HOMER2: variants seen among roughly 807,000 people sequenced by gnomAD.
HOMER2 encodes homer scaffold protein 2, also known as homer protein homolog 2.
A neutral mutation model predicts 47.0 loss-of-function variants in HOMER2; 27 were observed. That is an observed-to-expected ratio of 0.57 (90% CI 0.42 to 0.79). The LOEUF (loss-of-function observed/expected upper bound fraction) is 0.79. HOMER2 is among the 30% of genes least tolerant of loss of function. The pLI, the probability that HOMER2 is intolerant of heterozygous loss-of-function variation, is 0.00. For missense variants in HOMER2, 443 were observed against 435.0 expected, an observed-to-expected ratio of 1.02 and a Z score of -0.16; for synonymous variants, 161 against 163.8, an observed-to-expected ratio of 0.98 and a Z score of 0.13.
chr15:82,926,972 T>C (rs1268243122), intron 1 of HOMER2, among the ~76,000 whole-genome samples: 1 of 152,190 alleles, frequency 6.6e-6, no homozygotes, highest in Admixed American at 6.5e-5. Context: ...AGTATTCTGT[T>C]ACAGCAGCAC....
chr15:82,986,043 G>C (rs1169080820), upstream of HOMER2: 2 of 984,960 alleles, frequency 2.0e-6, no homozygotes, highest in Non-Finnish European at 2.4e-6. Context: ...AGTGCATGGA[G>C]GGCATCATCC....
chr15:82,918,406 C>T (rs976974594), intron 1 of HOMER2, among the ~76,000 whole-genome samples: 2 of 152,066 alleles, frequency 1.3e-5, no homozygotes, highest in Non-Finnish European at 2.9e-5. Context: ...ACAGTGCCCA[C>T]GGGACAGGAT....
chr15:82,911,350 C>A (rs1166089907), intron 1 of HOMER2, among the ~76,000 whole-genome samples: 2 of 152,254 alleles, frequency 1.3e-5, no homozygotes, highest in Non-Finnish European at 2.9e-5. Context: ...GGTACCTACC[C>A]TTTCAGGTTT....
chr15:82,861,338 G>C (rs946469942), intron 4 of HOMER2, among the ~76,000 whole-genome samples: 2 of 152,146 alleles, frequency 1.3e-5, no homozygotes, highest in African/African-American at 2.4e-5. Flanking sequence ...AACCAAATAA[G>C]CTGTGATACC....
intron 1 of HOMER2, among the ~76,000 whole-genome samples, chr15:82,945,766 C>T (rs559349516): frequency 1.3e-4 from 19 of 151,904 alleles, no homozygotes; most frequent in East Asian, 1.9e-4. Flanking sequence ...GTCAGGAGAT[C>T]GAGACCATCC....
intron 7 of HOMER2, 30 bp downstream of exon 7, chr15:82,852,112 A>G (rs758157963): frequency 6.5e-7 from 1 of 1,541,340 alleles, no homozygotes; most frequent in Non-Finnish European, 9.0e-7. Context: ...GAGGACGCCA[A>G]GGGGCCCTGC....
intron 1 of HOMER2, among the ~76,000 whole-genome samples, chr15:82,961,101 A>C (rs1251066237): frequency 6.6e-6 from 1 of 152,176 alleles, no homozygotes; most frequent in Non-Finnish European, 1.5e-5. Context: ...CCATCTCTCC[A>C]ACTGCTTGCC....
chr15:82,958,655 G>C (rs1433788680), exon 2 of HOMER2: 1 of 152,264 alleles, frequency 6.6e-6, no homozygotes, highest in Non-Finnish European at 1.5e-5. Context: ...CTCCAAGATT[G>C]GGGAAGGACA....
intron 1 of HOMER2, among the ~76,000 whole-genome samples, chr15:82,976,163 T>C (rs1200739760): frequency 6.6e-6 from 1 of 152,142 alleles, no homozygotes; most frequent in African/African-American, 2.4e-5. Flanking sequence ...AATCACCTTC[T>C]TCAGTAAATT....
chr15:82,915,157 A>G (rs910727921), intron 1 of HOMER2, among the ~76,000 whole-genome samples: 2 of 151,524 alleles, frequency 1.3e-5, no homozygotes, highest in African/African-American at 2.4e-5. Flanking sequence ...AAAAAAAAAA[A>G]TCAACTGCTG....
chr15:82,943,203 C>T (rs2054301884), intron 1 of HOMER2, among the ~76,000 whole-genome samples: 1 of 152,206 alleles, frequency 6.6e-6, no homozygotes, highest in Non-Finnish European at 1.5e-5. Context: ...TCACCTCAAT[C>T]ATTTAATAGA....
chr15:82,958,036 A>C (rs1761989283), downstream of HOMER2: 1 of 152,042 alleles, frequency 6.6e-6, no homozygotes, highest in Non-Finnish European at 1.5e-5. Context: ...ACGGGGTTTC[A>C]CCATGTTGGC....
intron 1 of HOMER2, among the ~76,000 whole-genome samples, chr15:82,975,996 TA>T: frequency 6.6e-6 from 1 of 152,124 alleles, no homozygotes; most frequent in East Asian, 1.9e-4. Context: ...TGAACCCATA[TA>T]AATTAAAATT....
intron 1 of HOMER2, among the ~76,000 whole-genome samples, chr15:82,900,902 GTCACAAATCCTCCTAGTCCTC>G (rs1347600633): frequency 6.6e-6 from 1 of 152,176 alleles, no homozygotes; most frequent in East Asian, 1.9e-4. Flanking sequence ...AGAAATACTT[GTCACAAATCCTCCTAGTCCTC>G]TGACTAGGAA....
At chr15:82,970,716 T>C (rs1379255209) in intron 1 of HOMER2, among the ~76,000 whole-genome samples, 1 of 152,192 alleles carries the variant, frequency 6.6e-6, no homozygotes, top group South Asian at 2.1e-4. Flanking sequence ...TCCTCTGAGA[T>C]AAAATTTCTT....
intron 1 of HOMER2, among the ~76,000 whole-genome samples, chr15:82,894,825 A>C (rs1354309599): frequency 2.8e-5 from 3 of 108,716 alleles, no homozygotes; most frequent in African/African-American, 3.5e-5. Flanking sequence ...GACAAGATAC[A>C]AAAAAAAAAA....
At chr15:82,935,582 C>T (rs1439646031) in intron 1 of HOMER2, among the ~76,000 whole-genome samples, 1 of 152,156 alleles carries the variant, frequency 6.6e-6, no homozygotes, top group Non-Finnish European at 1.5e-5. Context: ...ACCCCCTCAA[C>T]CTGAACCTGT....
intron 3 of HOMER2, among the ~76,000 whole-genome samples, chr15:82,866,792 C>T (rs573230525): frequency 2.8e-4 from 43 of 152,306 alleles, no homozygotes; most frequent in African/African-American, 4.6e-4. Flanking sequence ...CTCCACCTTC[C>T]GCCATGATTG....
intron 1 of HOMER2, among the ~76,000 whole-genome samples, chr15:82,896,511 A>G (rs1453796986): frequency 6.6e-6 from 1 of 152,160 alleles, no homozygotes; most frequent in African/African-American, 2.4e-5. Context: ...GAAGAACACA[A>G]TGGCTCACCT....
Sources: allele counts gnomAD v4.1 joint callset (sites outside exome capture counted in the v4.1 genomes callset), GRCh38; gene constraint gnomAD v4.1.1; transcripts MANE v1.5; gene names NCBI Gene and HGNC (gene_info 2026-07-23, HGNC 2026-07-21).